Variants in DLC1 observed in about 807,000 individuals in gnomAD.
DLC1 encodes DLC1 Rho GTPase activating protein, also known as rho GTPase-activating protein 7.
Under a neutral mutation model 140.3 loss-of-function variants are expected in DLC1, and 54 were observed. The ratio of observed to expected loss-of-function variants is 0.38; its 90% confidence interval spans 0.31 to 0.48. The LOEUF (loss-of-function observed/expected upper bound fraction) is 0.48. DLC1 is among the 20% of genes least tolerant of loss of function. The probability of loss-of-function intolerance (pLI) is 0.96; values close to 1 mark genes in which losing one functional copy is unlikely to be tolerated. For missense variants in DLC1, 2,536 were observed against 1,907.0 expected, an observed-to-expected ratio of 1.33 and a Z score of -6.14; for synonymous variants, 986 against 728.1, an observed-to-expected ratio of 1.35 and a Z score of -5.70.
chr8:13,359,202 T>A (rs1835101799), intron 4 of DLC1, among the ~76,000 whole-genome samples: 1 of 152,164 alleles, frequency 6.6e-6, no homozygotes, highest in Non-Finnish European at 1.5e-5. Context: ...CCTCCCAAAT[T>A]GCTGGGATTA....
At chr8:13,405,968 T>C (rs1159865821) in intron 2 of DLC1, among the ~76,000 whole-genome samples, 23 of 137,018 alleles carry the variant, frequency 1.7e-4, no homozygotes, top group African/African-American at 5.6e-4. Flanking sequence ...TTTCTTTCTT[T>C]CTTTCATCTC....
chr8:13,164,295 T>TG (rs1437502877), intron 5 of DLC1, among the ~76,000 whole-genome samples: 2 of 79,404 alleles, frequency 2.5e-5, no homozygotes, highest in Non-Finnish European at 4.8e-5. Context: ...GAGACTTCTC[T>TG]CAAAAAAAAA....
Position 13,535,764 on chromosome 8 carries a change from T to C in DLC1, c.-125-35568A>G, listed in dbSNP as rs138779320. Among the ~76,000 whole-genome samples the C allele has an allele frequency of 4.6e-3, 704 of 151,948 alleles. 6 individuals are homozygous for C. Among genetic ancestry groups the C allele is most frequent in the African/African-American group, 0.016 (673 of 41,440 alleles). On this transcript the variant is annotated intron_variant, in intron 1 of 1. Coordinates refer to the DLC1 transcript ENST00000631382. Reference sequence around the variant, plus strand: ...GAGATTATCATCTAAGTCATTATGCTGTATTTTGAAGTATATTAATATTTA... The same window carrying C: ...GAGATTATCATCTAAGTCATTATGCCGTATTTTGAAGTATATTAATATTTA...
intron 5 of DLC1, among the ~76,000 whole-genome samples, chr8:13,284,795 T>C (rs1586070139): frequency 6.6e-6 from 1 of 152,248 alleles, no homozygotes; most frequent in Admixed American, 6.5e-5. Context: ...ATTAAAAATA[T>C]GAAATACTTA....
chr8:13,122,050 C>T (rs1051770267), intron 5 of DLC1, among the ~76,000 whole-genome samples: 22 of 152,138 alleles, frequency 1.4e-4, no homozygotes, highest in African/African-American at 4.6e-4. Flanking sequence ...TCCTAACAGC[C>T]TCCTCACGGA....
In DLC1 at chr8:13,091,312, C is replaced by A. The variant is rs1280051420; in HGVS notation, c.3855+6G>T. On this transcript the variant is annotated splice_donor_region_variant and intron_variant, in intron 14 of 17. Transcript: ENST00000276297. ...AATAAAGGAGCCAAACTTCTCAATT[C>A]CTTACCTGGAAAAGCTTCTTGCACT... The A allele has an allele frequency of 6.2e-7, 1 of 1,613,778 alleles. No individual in the cohort carries two copies. Among genetic ancestry groups the A allele is most frequent in the South Asian group, 1.1e-5 (1 of 91,052 alleles).
chr8:13,493,005 C>G (rs1801332942), intron 2 of DLC1, among the ~76,000 whole-genome samples: 1 of 152,150 alleles, frequency 6.6e-6, no homozygotes, highest in Non-Finnish European at 1.5e-5. Flanking sequence ...ACAAAACTCA[C>G]TAAGAATATG....
chr8:13,279,906 G>C (rs888830962), intron 5 of DLC1, among the ~76,000 whole-genome samples: 2 of 152,238 alleles, frequency 1.3e-5, no homozygotes, highest in African/African-American at 4.8e-5. Flanking sequence ...GTGATAATTA[G>C]TGTTGTCTCA....
chr8:13,336,435 AAAAC>A (rs1437396370), intron 4 of DLC1, among the ~76,000 whole-genome samples: 1 of 152,238 alleles, frequency 6.6e-6, no homozygotes, highest in African/African-American at 2.4e-5. Context: ...TTAAACTCTC[AAAAC>A]AAAGAAGTAT....
intron 4 of DLC1, among the ~76,000 whole-genome samples, chr8:13,315,894 AG>A (rs1369731903): frequency 6.6e-6 from 1 of 152,134 alleles, no homozygotes; most frequent in Non-Finnish European, 1.5e-5. Context: ...AATTATTCAG[AG>A]TGGGTTTGTA....
chr8:13,584,121 G>C (rs1254074691), intron 1 of DLC1: 1 of 153,146 alleles, frequency 6.5e-6, no homozygotes, highest in Non-Finnish European at 1.5e-5. Flanking sequence ...TGTTGGTACT[G>C]TTCTATTGCA....
At chr8:13,484,974 A>G (rs1350151678) in intron 2 of DLC1, among the ~76,000 whole-genome samples, 2 of 152,088 alleles carry the variant, frequency 1.3e-5, no homozygotes, top group African/African-American at 4.8e-5. Flanking sequence ...GCACTTATGA[A>G]GTGGTTGAAA....
At chr8:13,136,847 T>G (rs1585739416) in intron 5 of DLC1, among the ~76,000 whole-genome samples, 1 of 152,282 alleles carries the variant, frequency 6.6e-6, no homozygotes, top group African/African-American at 2.4e-5. Context: ...TTTCATTCTC[T>G]TTTTTCATGG....
intron 2 of DLC1, among the ~76,000 whole-genome samples, chr8:13,472,287 A>G (rs1233854467): frequency 6.6e-6 from 1 of 152,214 alleles, no homozygotes; most frequent in East Asian, 1.9e-4. Flanking sequence ...AAATGCGTGT[A>G]TACACACATA....
At chr8:13,336,533 G>A in intron 4 of DLC1, among the ~76,000 whole-genome samples, 1 of 152,178 alleles carries the variant, frequency 6.6e-6, no homozygotes, top group East Asian at 1.9e-4. Flanking sequence ...AAGCCATCAT[G>A]GTTGAACAAC....
At chr8:13,160,895 G>A (rs2128984321) in intron 5 of DLC1, among the ~76,000 whole-genome samples, 1 of 152,244 alleles carries the variant, frequency 6.6e-6, no homozygotes, top group Non-Finnish European at 1.5e-5. Context: ...AGACCATCAT[G>A]GCGGTGAAAC....
chr8:13,348,615 G>A (rs1313130527), intron 4 of DLC1, among the ~76,000 whole-genome samples: 1 of 152,176 alleles, frequency 6.6e-6, no homozygotes, highest in African/African-American at 2.4e-5. Context: ...GGTTTTAAAT[G>A]TAAAGTGTTT....
intron 1 of DLC1, among the ~76,000 whole-genome samples, chr8:13,574,500 C>G (rs187801858): frequency 1.8e-4 from 27 of 152,166 alleles, no homozygotes; most frequent in African/African-American, 5.8e-4. Context: ...ATAGAAAGCT[C>G]ATCAGATGAG....
At chr8:13,141,011 T>C (rs1822939546) in intron 5 of DLC1, among the ~76,000 whole-genome samples, 1 of 152,072 alleles carries the variant, frequency 6.6e-6, no homozygotes, top group Non-Finnish European at 1.5e-5. Context: ...TCCCAGCACT[T>C]TGGGAGGCCG....
Sources: gnomAD v4.1 joint callset for allele counts (sites outside exome capture counted in the v4.1 genomes callset) on GRCh38, gnomAD v4.1.1 for gene constraint, MANE v1.5 for transcripts, NCBI Gene and HGNC (gene_info 2026-07-23, HGNC 2026-07-21) for gene names.